The following ZNF407 variants were observed in gnomAD, a reference collection of about 807,000 sequenced individuals.
ZNF407 encodes the protein zinc finger protein 407.
A neutral mutation model predicts 131.2 loss-of-function variants in ZNF407; 17 were observed. The observed-to-expected ratio is 0.13, with a 90% CI of 0.09 to 0.19. The LOEUF (loss-of-function observed/expected upper bound fraction) is 0.19. ZNF407 is among the 10% of genes least tolerant of loss of function. ZNF407 has a pLI of 1.00. For missense variants in ZNF407, 2,681 were observed against 2,830.6 expected, an observed-to-expected ratio of 0.95 and a Z score of 1.20; for synonymous variants, 1,156 against 1,062.0, an observed-to-expected ratio of 1.09 and a Z score of -1.72.
chr18:75,009,352 T>C (rs1342051323), intron 8 of ZNF407, among the ~76,000 whole-genome samples: 1 of 152,214 alleles, frequency 6.6e-6, no homozygotes, highest in Admixed American at 6.5e-5. Context: ...CTGATTATTT[T>C]ACATTTTATA....
intron 8 of ZNF407, among the ~76,000 whole-genome samples, chr18:74,967,427 A>G (rs920171156): frequency 6.6e-6 from 1 of 152,160 alleles, no homozygotes; most frequent in African/African-American, 2.4e-5. Flanking sequence ...TAACTGATCT[A>G]TTTTTGTTGC....
Position 74,755,728 on chromosome 18 carries a change from C to CTTT in ZNF407, c.4803-25700_4803-25699insTTT, listed in dbSNP as rs1968925683. On this transcript the variant is annotated intron_variant, in intron 3 of 8. Coordinates refer to ENST00000299687, the MANE Select transcript of ZNF407 (RefSeq NM_017757.3). ...CTCAGCCTGCCTCTCTTCTTTCTTT[C>CTTT]CTTTCTTTCTTTCTTTCTTTCTTTC... Among the ~76,000 whole-genome samples the CTTT allele has an allele frequency of 2.0e-3, 127 of 63,480 alleles. 2 individuals carry two copies. Among genetic ancestry groups the CTTT allele is most frequent in the African/African-American group, 7.9e-3 (112 of 14,182 alleles). 41.6% of individuals were successfully genotyped at this position (63,480 alleles called of 152,430 possible).
intron 3 of ZNF407, among the ~76,000 whole-genome samples, chr18:74,736,989 A>C (rs116246515): frequency 1.3e-5 from 2 of 152,160 alleles, no homozygotes; most frequent in African/African-American, 4.8e-5. Context: ...CTTCCTAGAT[A>C]AGTTGCTATT....
At chr18:74,886,932 A>G (rs1262390999) in intron 6 of ZNF407, among the ~76,000 whole-genome samples, 3 of 152,234 alleles carry the variant, frequency 2.0e-5, no homozygotes, top group Middle Eastern at 6.3e-3. Flanking sequence ...TAGACAGATT[A>G]TAGGCCAAGT....
At chr18:74,828,340 C>T (rs1970436762) in intron 4 of ZNF407, among the ~76,000 whole-genome samples, 1 of 152,158 alleles carries the variant, frequency 6.6e-6, no homozygotes, top group Admixed American at 6.5e-5. Context: ...GCAAAGGCTG[C>T]CTTTCACTGC....
intron 8 of ZNF407, among the ~76,000 whole-genome samples, chr18:75,053,923 C>T (rs1446489356): frequency 5.3e-5 from 8 of 152,338 alleles, no homozygotes; most frequent in South Asian, 2.1e-4. Flanking sequence ...TTGCTTCCCC[C>T]GCACCTGGCA....
rs191283428 is a variant in ZNF407 at position 74,697,949 on chromosome 18, A to G, written c.4802+56827A>G. The stretch of plus-strand genomic sequence containing the variant: ...ATGGTTATAGAATTTATCATAGATT[A>G]TAATTCTCGAGAATACAAACAGCAC... On this transcript the variant is annotated intron_variant, in intron 3 of 8. Coordinates refer to ENST00000299687, the MANE Select transcript of ZNF407 (RefSeq NM_017757.3). Among the ~76,000 whole-genome samples, 36 of 152,340 alleles carry G rather than the reference A, an allele frequency of 2.4e-4. No homozygotes were observed. In the East Asian group the frequency reaches 5.0e-3, roughly 21 times the overall value.
intron 6 of ZNF407, 93 bp downstream of exon 6, chr18:74,881,212 T>C (rs991345809): frequency 1.7e-6 from 2 of 1,172,388 alleles, no homozygotes; most frequent in Non-Finnish European, 2.4e-6. Flanking sequence ...ACTTTCCTTT[T>C]TAATTTTTAT....
At chr18:74,733,206 A>G (rs1968335096) in intron 3 of ZNF407, among the ~76,000 whole-genome samples, 1 of 152,136 alleles carries the variant, frequency 6.6e-6, no homozygotes, top group Admixed American at 6.5e-5. Flanking sequence ...TATGCACTTC[A>G]TTAGCTTATA....
At chr18:74,743,005 A>G (rs1968585917) in intron 3 of ZNF407, among the ~76,000 whole-genome samples, 1 of 152,156 alleles carries the variant, frequency 6.6e-6, no homozygotes, top group Admixed American at 6.6e-5. Flanking sequence ...ATGGAAGATG[A>G]TAGATTCAGG....
intron 8 of ZNF407, among the ~76,000 whole-genome samples, chr18:74,979,443 C>T (rs942372286): frequency 6.6e-6 from 1 of 152,094 alleles, no homozygotes; most frequent in Non-Finnish European, 1.5e-5. Context: ...AGGCATGCAC[C>T]ACCACGCCTG....
At position 74,631,203 on chromosome 18, in the gene ZNF407, G is replaced by A; in HGVS notation, c.184G>A (p.Val62Ile). 6.2e-7 allele frequency: 1 copy of A among 1,614,008 alleles called. No homozygotes were observed. The highest frequency in any genetic ancestry group is 1.1e-5 in the South Asian group (1 of 91,080). Residue 62 changes from valine to isoleucine, a missense_variant, in exon 2 of 9, where the codon GTT becomes ATT. Transcript: ENST00000299687. ...TTCAGAATCATCGAACTCTGATAGT[G>A]TTGTTATAGGAGAAGACAGAAATAA... Reference protein sequence around the residue: ...GFSESSNSDSVVIGEDRNKHA... With the variant: ...GFSESSNSDSIVIGEDRNKHA...
rs76338675 is a variant in ZNF407, at chr18:74,625,712, C to T, written c.-53-5255C>T. Among the ~76,000 whole-genome samples, 610 of 152,278 alleles carry T rather than the reference C, an allele frequency of 4.0e-3. 1 individual carries two copies. The highest frequency in any genetic ancestry group is 0.014 in the African/African-American group (580 of 41,552). On this transcript the variant is annotated intron_variant, in intron 1 of 8. Transcript: ENST00000299687. The stretch of plus-strand genomic sequence containing the variant: ...CACATAACTTCACCATGCCCCTCTC[C>T]TGGACTATTTTAAAGTGTATTGCAG...
At chr18:74,818,674 A>G (rs1414565117) in intron 4 of ZNF407, among the ~76,000 whole-genome samples, 1 of 152,220 alleles carries the variant, frequency 6.6e-6, no homozygotes, top group African/African-American at 2.4e-5. Flanking sequence ...ATCAAAAATC[A>G]AATGCAAAAT....
chr18:74,649,542 A>AT (rs1187988738), intron 3 of ZNF407, among the ~76,000 whole-genome samples: 1 of 152,238 alleles, frequency 6.6e-6, no homozygotes, highest in Non-Finnish European at 1.5e-5. Context: ...TATTAAAGAC[A>AT]TTTTAGTATT....
At chr18:74,851,227 C>G (rs1970778762) in intron 4 of ZNF407, among the ~76,000 whole-genome samples, 1 of 152,206 alleles carries the variant, frequency 6.6e-6, no homozygotes, top group Non-Finnish European at 1.5e-5. Context: ...AGTGTTTATG[C>G]TCCATGCAAG....
intron 7 of ZNF407, among the ~76,000 whole-genome samples, chr18:74,912,274 C>T (rs1462912170): frequency 1.3e-5 from 2 of 152,036 alleles, no homozygotes; most frequent in Non-Finnish European, 2.9e-5. Context: ...CTCTCTAGTA[C>T]TGTAGTTAAC....
At chr18:74,964,031 T>TAG (rs1972379910) in intron 8 of ZNF407, among the ~76,000 whole-genome samples, 1 of 152,206 alleles carries the variant, frequency 6.6e-6, no homozygotes, top group African/African-American at 2.4e-5. Context: ...TAATGTCTTT[T>TAG]CCAGCCATGG....
chr18:74,887,693 A>C (rs1327758812), intron 6 of ZNF407, among the ~76,000 whole-genome samples: 1 of 152,154 alleles, frequency 6.6e-6, no homozygotes, highest in African/African-American at 2.4e-5. Flanking sequence ...TAATGATAAA[A>C]GCCACTGGCT....
Sources: gnomAD v4.1 joint callset for allele counts (sites outside exome capture counted in the v4.1 genomes callset) on GRCh38, gnomAD v4.1.1 for gene constraint, MANE v1.5 for transcripts, NCBI Gene and HGNC (gene_info 2026-07-23, HGNC 2026-07-21) for gene names.